SNX29: variants seen among roughly 807,000 people sequenced by gnomAD.
SNX29 encodes sorting nexin-29.
SNX29 carries 78 observed loss-of-function variants against 102.1 expected under a neutral mutation model. The observed-to-expected ratio is 0.76, with a 90% CI of 0.64 to 0.92. SNX29 has a LOEUF of 0.92. Among genes scored for constraint, SNX29 ranks in the 40% least tolerant of loss-of-function variants. The pLI, the probability that SNX29 is intolerant of heterozygous loss-of-function variation, is 0.00. For synonymous variants in SNX29, 580 were observed against 414.5 expected (o/e 1.40, Z -4.85); for missense variants, 1,280 against 1,061.7 (o/e 1.21, Z -2.86).
chr16:12,376,114 T>A (rs1167183480), intron 16 of SNX29: 1 of 149,564 alleles, frequency 6.7e-6, no homozygotes, highest in African/African-American at 2.5e-5. Context: ...CAGAGGCAAG[T>A]CACTAGGGCC....
intron 14 of SNX29, among the ~76,000 whole-genome samples, chr16:12,235,193 T>A (rs1364737309): frequency 6.6e-6 from 1 of 152,192 alleles, no homozygotes; most frequent in African/African-American, 2.4e-5. Flanking sequence ...GCTCACTCTT[T>A]CTTTCCTTTC....
chr16:11,979,723 A>G (rs1202157216), intron 1 of SNX29, among the ~76,000 whole-genome samples: 4 of 152,174 alleles, frequency 2.6e-5, no homozygotes, highest in Non-Finnish European at 5.9e-5. Flanking sequence ...AGCTGGGACT[A>G]TAGACATGTA....
At chr16:12,468,090 C>G (rs957234863) in intron 18 of SNX29, among the ~76,000 whole-genome samples, 1 of 151,630 alleles carries the variant, frequency 6.6e-6, no homozygotes, top group African/African-American at 2.4e-5. Flanking sequence ...CCCTGTTACA[C>G]GAGCCCCTGC....
At chr16:12,019,799 A>C (rs1032081271) in intron 3 of SNX29, among the ~76,000 whole-genome samples, 2 of 150,960 alleles carry the variant, frequency 1.3e-5, no homozygotes, top group African/African-American at 2.4e-5. Context: ...ACCACACCCG[A>C]CTTTTTTTTG....
Position 12,311,133 on chromosome 16 carries a change from T to G in SNX29, c.1782+33097T>G, listed in dbSNP as rs146890441. ...TCAACTCGATAGGGCAGAGCTGCAT[T>G]GCTAAAAAATTAAGCTCTTCATTTG... On this transcript the variant is annotated intron_variant, in intron 15 of 20. Coordinates refer to ENST00000566228, the MANE Select transcript of SNX29 (RefSeq NM_032167.5). Among the ~76,000 whole-genome samples the G allele has an allele frequency of 6.8e-3, 1,038 of 152,338 alleles. 9 individuals are homozygous for G. Among genetic ancestry groups the G allele is most frequent in the Non-Finnish European group, 0.011 (724 of 68,014 alleles).
rs749383130 is a variant in SNX29 at position 12,199,608 on chromosome 16, G to C, written c.1603G>C (p.Glu535Gln). 11 of 1,612,196 alleles carry C rather than the reference G, an allele frequency of 6.8e-6. No individual in the cohort carries two copies. The African/African-American group carries it at 1.5e-4, about 22-fold the overall frequency. The change falls in exon 14 of 21, where the codon GAG becomes CAG. Residue 535 changes from glutamate (E) to glutamine (Q), a missense_variant. Physicochemically the swap from Glu to Gln is conservative, Grantham distance 29. Coordinates refer to ENST00000566228, the MANE Select transcript of SNX29 (RefSeq NM_032167.5). ...ACATTCTTGTACCTGCAGAGAGAAC[G>C]AGGTGCTCAAAGTCCAACTGAAGAA... The part of the protein sequence containing the change: ...MKVQALAREN[E>Q]VLKVQLKKYV...
intron 19 of SNX29, among the ~76,000 whole-genome samples, chr16:12,499,632 A>T (rs1199646524): frequency 1.3e-5 from 2 of 152,174 alleles, no homozygotes; most frequent in Non-Finnish European, 2.9e-5. Flanking sequence ...AGACCCGGTG[A>T]ATTAGAATCT....
intron 20 of SNX29, among the ~76,000 whole-genome samples, chr16:12,565,084 G>A (rs981344739): frequency 1.3e-5 from 2 of 152,132 alleles, no homozygotes; most frequent in African/African-American, 2.4e-5. Flanking sequence ...GGGGACACAT[G>A]GGGTCGTCTT....
At chr16:12,112,685 G>A (rs895391331) in intron 11 of SNX29, among the ~76,000 whole-genome samples, 1 of 152,208 alleles carries the variant, frequency 6.6e-6, no homozygotes, top group Non-Finnish European at 1.5e-5. Flanking sequence ...TTCAGTGTGA[G>A]TTTCGAGTGA....
At chr16:12,079,681 C>T (rs1032757530) in intron 11 of SNX29, among the ~76,000 whole-genome samples, 4 of 152,032 alleles carry the variant, frequency 2.6e-5, no homozygotes, top group African/African-American at 7.2e-5. Flanking sequence ...CTTGAAGTTC[C>T]GGTGGTTAAG....
chr16:12,477,558 A>G (rs1359236612), intron 18 of SNX29, among the ~76,000 whole-genome samples, 161 bp from the exon 19 acceptor site: 1 of 152,210 alleles, frequency 6.6e-6, no homozygotes, highest in Non-Finnish European at 1.5e-5. Context: ...TTCAGCTAGC[A>G]CTAATAAATC....
At chr16:12,066,226 A>G (rs2051030545) in intron 9 of SNX29, among the ~76,000 whole-genome samples, 1 of 152,160 alleles carries the variant, frequency 6.6e-6, no homozygotes, top group African/African-American at 2.4e-5. Context: ...ATTAGCAAGG[A>G]TGACAGGGAA....
intron 17 of SNX29, among the ~76,000 whole-genome samples, chr16:12,398,713 A>ATTT (rs34851402): frequency 2.8e-5 from 4 of 144,656 alleles, no homozygotes; most frequent in South Asian, 2.2e-4. Flanking sequence ...ATTTAAAAAC[A>ATTT]TTTTTTTTTT....
At chr16:12,428,881 A>T (rs1233373377) in intron 18 of SNX29, among the ~76,000 whole-genome samples, 1 of 152,254 alleles carries the variant, frequency 6.6e-6, no homozygotes, top group Non-Finnish European at 1.5e-5. Context: ...CACCACACAG[A>T]TACGATTGCA....
intron 9 of SNX29, among the ~76,000 whole-genome samples, chr16:12,062,423 T>TAA (rs1567172326): frequency 1.8e-5 from 2 of 109,592 alleles, no homozygotes; most frequent in African/African-American, 3.3e-5. Flanking sequence ...TAAATAAATA[T>TAA]GTCTCTGGTA....
intron 13 of SNX29, among the ~76,000 whole-genome samples, chr16:12,176,670 G>A (rs2076267698): frequency 6.6e-6 from 1 of 152,146 alleles, no homozygotes; most frequent in Non-Finnish European, 1.5e-5. Flanking sequence ...TTCATATAAG[G>A]GACTTGAGCA....
intron 17 of SNX29, among the ~76,000 whole-genome samples, chr16:12,400,506 C>T (rs868349095): frequency 2.4e-4 from 36 of 152,272 alleles, no homozygotes; most frequent in Admixed American, 7.8e-4. Context: ...AATGCTTATT[C>T]CCCTGCCTGA....
intron 10 of SNX29, among the ~76,000 whole-genome samples, chr16:12,072,517 C>A (rs915571089): frequency 1.3e-5 from 2 of 152,124 alleles, no homozygotes; most frequent in Non-Finnish European, 2.9e-5. Flanking sequence ...AGGGATGAAG[C>A]CCACTCGATC....
intron 15 of SNX29, among the ~76,000 whole-genome samples, chr16:12,292,483 A>G (rs2079832147): frequency 6.6e-6 from 1 of 152,132 alleles, no homozygotes; most frequent in African/African-American, 2.4e-5. Context: ...TTGGATAGGA[A>G]TTTCCTCTTA....
Sources: allele counts gnomAD v4.1 joint callset (sites outside exome capture counted in the v4.1 genomes callset), GRCh38; gene constraint gnomAD v4.1.1; transcripts MANE v1.5; gene names NCBI Gene and HGNC (gene_info 2026-07-23, HGNC 2026-07-21).